The following PCCA variants were observed in gnomAD, a reference collection of about 807,000 sequenced individuals.
PCCA encodes propionyl-CoA carboxylase alpha chain, mitochondrial.
A neutral mutation model predicts 101.3 loss-of-function variants in PCCA; 74 were observed. The ratio of observed to expected loss-of-function variants is 0.73; its 90% CI spans 0.61 to 0.89. The LOEUF (loss-of-function observed/expected upper bound fraction) is 0.89. PCCA is among the 40% of genes least tolerant of loss of function. PCCA has a pLI of 0.00. For synonymous variants in PCCA, 294 were observed against 313.6 expected, an observed-to-expected ratio of 0.94 and a Z score of 0.66; for missense variants, 891 against 907.0, an observed-to-expected ratio of 0.98 and a Z score of 0.23.
chr13:100,244,929 CTGTG>C (rs3223372), intron 8 of PCCA, among the ~76,000 whole-genome samples: 18,762 of 141,574 alleles, frequency 0.13, 1,216 homozygotes, highest in Middle Eastern at 0.19. Context: ...TGAGGAAAGG[CTGTG>C]TGTGTGTGTG....
chr13:100,104,838 G>C lies in PCCA; in HGVS notation c.183+1878G>C, dbSNP rs368761621. On this transcript the variant is annotated intron_variant, in intron 2 of 23. Transcript: ENST00000376285. ...CTTGCCTCAGCCTCCCGAGTAGCTG[G>C]GATTACAGGTGTACGTCACCATGCC... is the stretch of plus-strand genomic sequence containing the variant. Among the ~76,000 whole-genome samples the C allele has an allele frequency of 5.9e-5, 9 of 152,086 alleles. 1 individual carries two copies. The East Asian group carries it at 1.4e-3, about 23-fold the overall frequency.
rs947830880 is a variant in PCCA, at chr13:100,530,326, C to T, written c.*160C>T. 3 of 686,796 alleles carry T rather than the reference C, an allele frequency of 4.4e-6. No individual in the cohort carries two copies. The highest frequency in any genetic ancestry group is 1.8e-5 in the African/African-American group (1 of 56,252). The allele number at this position is 686,796 out of a possible 1,614,324, so 42.5% of individuals were successfully genotyped here. A position where few individuals can be genotyped will look rare whatever the true frequency, so the allele number is the denominator to read the frequency against. ...CAAGACCAATATTCTGCCAAAAAAT[C>T]ACCAATGGAAATTTTCATTGATATA... On this transcript the variant is annotated 3_prime_UTR_variant, in exon 24 of 24. Coordinates refer to ENST00000376285, the MANE Select transcript of PCCA (RefSeq NM_000282.4).
intron 12 of PCCA, among the ~76,000 whole-genome samples, chr13:100,273,848 G>A (rs1475387989): frequency 6.6e-6 from 1 of 152,132 alleles, no homozygotes; most frequent in Non-Finnish European, 1.5e-5. Flanking sequence ...TTGGCTTTGG[G>A]GGACATAACT....
chr13:100,277,078 C>T (rs529682679), intron 12 of PCCA, among the ~76,000 whole-genome samples: 56 of 152,196 alleles, frequency 3.7e-4, no homozygotes, highest in Non-Finnish European at 6.5e-4. Context: ...TTTGTGACTA[C>T]GGCAATCTAA....
At chr13:100,136,273 C>T (rs1290106008) in intron 4 of PCCA, among the ~76,000 whole-genome samples, 2 of 148,370 alleles carry the variant, frequency 1.3e-5, no homozygotes, top group Non-Finnish European at 1.5e-5. Flanking sequence ...GCAACCTCCA[C>T]CTCCCGGGTT....
chr13:100,254,554 T>A (rs9585391), intron 8 of PCCA, among the ~76,000 whole-genome samples: 30,603 of 152,020 alleles, frequency 0.2, 3,445 homozygotes, highest in Non-Finnish European at 0.26. Context: ...CATTTACTTA[T>A]CTTAATTAGA....
intron 22 of PCCA, among the ~76,000 whole-genome samples, chr13:100,520,590 G>C (rs563998631): frequency 1.2e-4 from 16 of 138,356 alleles, no homozygotes; most frequent in Admixed American, 1.1e-3. Flanking sequence ...AGCGGAGATC[G>C]CGCCACAGCA....
chr13:100,102,862 T>C (rs1266990447), intron 1 of PCCA, 21 bp from the exon 2 acceptor site: 1 of 1,571,546 alleles, frequency 6.4e-7, no homozygotes, highest in Non-Finnish European at 8.8e-7. Context: ...TGCAATTTAT[T>C]TTGCTTTCCT....
At chr13:100,283,796 C>A (rs1246376641) in intron 12 of PCCA, among the ~76,000 whole-genome samples, 1 of 152,242 alleles carries the variant, frequency 6.6e-6, no homozygotes, top group African/African-American at 2.4e-5. Context: ...GGCCAATCAC[C>A]TGGTAGGGCT....
chr13:100,305,525 G>T (rs1214681716), intron 14 of PCCA, among the ~76,000 whole-genome samples: 2 of 152,138 alleles, frequency 1.3e-5, no homozygotes, highest in African/African-American at 2.4e-5. Flanking sequence ...TATCAGTCTC[G>T]TTTGTAAACA....
intron 21 of PCCA, among the ~76,000 whole-genome samples, chr13:100,508,894 G>A (rs914815323): frequency 6.6e-6 from 1 of 152,048 alleles, no homozygotes; most frequent in Non-Finnish European, 1.5e-5. Context: ...GATTTTGTTT[G>A]TTTTTAATAT....
At chr13:100,374,096 A>G (rs755391162) in intron 19 of PCCA, among the ~76,000 whole-genome samples, 1 of 152,162 alleles carries the variant, frequency 6.6e-6, no homozygotes, top group Non-Finnish European at 1.5e-5. Flanking sequence ...TGGGTGACAG[A>G]GTGAGACTCT....
intron 17 of PCCA, among the ~76,000 whole-genome samples, chr13:100,334,074 C>T (rs2070050129): frequency 6.6e-6 from 1 of 152,132 alleles, no homozygotes; most frequent in Non-Finnish European, 1.5e-5. Context: ...AGCAAAGTAT[C>T]TTGACAGAAG....
intron 21 of PCCA, among the ~76,000 whole-genome samples, chr13:100,487,804 A>G (rs2084512024): frequency 6.6e-6 from 1 of 151,978 alleles, no homozygotes; most frequent in Admixed American, 6.6e-5. Context: ...AGCTCACTAC[A>G]GCCTCAAAAC....
intron 4 of PCCA, among the ~76,000 whole-genome samples, chr13:100,126,795 T>C (rs542711470): frequency 3.3e-4 from 50 of 149,256 alleles, no homozygotes; most frequent in African/African-American, 1.2e-3. Flanking sequence ...ATGAACACCA[T>C]TTTTTTTTAT....
intron 22 of PCCA, among the ~76,000 whole-genome samples, chr13:100,524,374 CGTGTGTGTGTGTGTGTGTGTGT>C (rs1210676697): frequency 1.4e-5 from 2 of 139,082 alleles, no homozygotes; most frequent in Admixed American, 7.3e-5. Flanking sequence ...CAATTAAGCT[CGTGTGTGTGTGTGTGTGTGTGT>C]GTGTGTGTGT....
chr13:100,374,667 T>C (rs2075787945), intron 19 of PCCA, among the ~76,000 whole-genome samples: 1 of 152,094 alleles, frequency 6.6e-6, no homozygotes, highest in South Asian at 2.1e-4. Context: ...ATAAGAAAAT[T>C]AGTTAGAAAT....
At chr13:100,114,745 C>T (rs960513742) in intron 4 of PCCA, among the ~76,000 whole-genome samples, 10 of 152,176 alleles carry the variant, frequency 6.6e-5, no homozygotes, top group South Asian at 2.1e-4. Context: ...AATCTTACCC[C>T]GGTTAAAACG....
In PCCA at chr13:100,094,454, A is replaced by G. The variant is rs190694231; in HGVS notation, c.105+5229A>G. 2.1e-3 allele frequency among the ~76,000 whole-genome samples: 313 copies of G among 152,342 alleles called. 3 individuals are homozygous for G. Among genetic ancestry groups the G allele is most frequent in the Non-Finnish European group, 2.6e-3 (176 of 68,032 alleles). Reference sequence around the variant, plus strand: ...TTAAATGCCTATTGACATTTTCGTTAGAAAAAACCCCACAAACTGATGGGA... The same window carrying G: ...TTAAATGCCTATTGACATTTTCGTTGGAAAAAACCCCACAAACTGATGGGA... On this transcript the variant is annotated intron_variant, in intron 1 of 23. Transcript: ENST00000376285.
Sources: gnomAD v4.1 joint callset for allele counts (sites outside exome capture counted in the v4.1 genomes callset) on GRCh38, gnomAD v4.1.1 for gene constraint, MANE v1.5 for transcripts, NCBI Gene and HGNC (gene_info 2026-07-23, HGNC 2026-07-21) for gene names.